MINDY3: variants seen among roughly 807,000 people sequenced by gnomAD.
MINDY3 encodes ubiquitin carboxyl-terminal hydrolase MINDY-3.
Under a neutral mutation model 69.2 loss-of-function variants are expected in MINDY3, and 38 were observed. The observed-to-expected ratio is 0.55, with a 90% confidence interval of 0.42 to 0.72. MINDY3 has a LOEUF of 0.72. Ranked by LOEUF, MINDY3 falls within the 30% of genes least tolerant of loss-of-function variation. The pLI is 0.00. For missense variants in MINDY3, 522 were observed against 519.0 expected (o/e 1.01, Z -0.06); for synonymous variants, 192 against 180.1 (o/e 1.07, Z -0.53).
chr10:15,824,818 T>C (rs893768156), intron 8 of MINDY3, among the ~76,000 whole-genome samples: 2 of 152,224 alleles, frequency 1.3e-5, no homozygotes, highest in African/African-American at 2.4e-5. Flanking sequence ...TTGTTCATAA[T>C]TCTTGGGTAA....
intron 8 of MINDY3, among the ~76,000 whole-genome samples, chr10:15,823,335 A>G (rs1483089969): frequency 6.6e-6 from 1 of 152,178 alleles, no homozygotes; most frequent in Non-Finnish European, 1.5e-5. Context: ...GATTTTCATA[A>G]TATGATGTTA....
chr10:15,829,139 G>A (rs907768093), intron 8 of MINDY3, among the ~76,000 whole-genome samples: 2 of 152,130 alleles, frequency 1.3e-5, no homozygotes, highest in African/African-American at 2.4e-5. Flanking sequence ...AGCCGACTGA[G>A]GTAAAGCACC....
At chr10:15,821,560 G>T in intron 9 of MINDY3, 96 bp downstream of exon 9, 1 of 872,738 alleles carries the variant, frequency 1.1e-6, no homozygotes, top group Non-Finnish European at 1.8e-6. Flanking sequence ...GAACCATAGT[G>T]CTGTGCTCAA....
chr10:15,779,622 T>C (rs1392163530), intron 14 of MINDY3, among the ~76,000 whole-genome samples: 1 of 152,212 alleles, frequency 6.6e-6, no homozygotes. Context: ...ATTGAATTTC[T>C]AGAGCTGAAA....
chr10:15,778,277 A>T lies in MINDY3; in HGVS notation c.*715T>A, dbSNP rs185528232. 6.6e-6 allele frequency: 1 copy of T among 152,324 alleles called. No individual in the cohort carries two copies. Among genetic ancestry groups the T allele is most frequent in the East Asian group, 1.9e-4 (1 of 5,190 alleles). The allele number at this position is 152,324 out of a possible 1,614,324, so 9.4% of individuals were successfully genotyped here. A position where few individuals can be genotyped will look rare whatever the true frequency, so the allele number is the denominator to read the frequency against. On this transcript the variant is annotated 3_prime_UTR_variant, in exon 15 of 15. Coordinates refer to ENST00000277632, the MANE Select transcript of MINDY3 (RefSeq NM_024948.4). ...TTCTCATGCATTTATCGTGTTTATA[A>T]ATATAGAAGAAAGCTGGCTTACAGG... is the stretch of plus-strand genomic sequence containing the variant.
At chr10:15,809,446 A>T (rs1236860931) in intron 10 of MINDY3, among the ~76,000 whole-genome samples, 2 of 152,130 alleles carry the variant, frequency 1.3e-5, no homozygotes, top group African/African-American at 4.8e-5. Context: ...TTTTCAAGTA[A>T]CCTCAATGAA....
chr10:15,830,715 G>A (rs1215493413), intron 8 of MINDY3, among the ~76,000 whole-genome samples: 1 of 152,174 alleles, frequency 6.6e-6, no homozygotes, highest in Non-Finnish European at 1.5e-5. Context: ...CCACCTTCAG[G>A]GAGAATGAGG....
At chr10:15,844,590 T>C (rs964260745) in intron 2 of MINDY3, among the ~76,000 whole-genome samples, 2 of 152,206 alleles carry the variant, frequency 1.3e-5, no homozygotes, top group African/African-American at 2.4e-5. Context: ...ATTAGGTTGC[T>C]TGCAATTTTT....
intron 8 of MINDY3, among the ~76,000 whole-genome samples, chr10:15,831,896 G>C (rs553419410): frequency 6.6e-6 from 1 of 151,932 alleles, no homozygotes; most frequent in East Asian, 1.9e-4. Context: ...GGCTGGTCTC[G>C]AACTCCTCAC....
At chr10:15,822,997 A>C (rs548568357) in intron 8 of MINDY3, among the ~76,000 whole-genome samples, 1 of 152,240 alleles carries the variant, frequency 6.6e-6, no homozygotes, top group African/African-American at 2.4e-5. Context: ...CATCCTTTTT[A>C]CCATCTGGTC....
At chr10:15,855,484 T>C (rs954303601) in intron 1 of MINDY3, among the ~76,000 whole-genome samples, 6 of 152,086 alleles carry the variant, frequency 3.9e-5, no homozygotes, top group Non-Finnish European at 8.8e-5. Flanking sequence ...CGTCTGAAAT[T>C]ACCCATCTTA....
intron 8 of MINDY3, among the ~76,000 whole-genome samples, chr10:15,829,532 CAT>C (rs1840314547): frequency 6.6e-6 from 1 of 152,128 alleles, no homozygotes; most frequent in African/African-American, 2.4e-5. Flanking sequence ...AGATTATAAA[CAT>C]AGGGTTGAGT....
At chr10:15,779,172 A>C in intron 14 of MINDY3, 31 bp from the exon 15 acceptor site, 1 of 1,601,306 alleles carries the variant, frequency 6.2e-7, no homozygotes, top group Non-Finnish European at 8.5e-7. Flanking sequence ...ACCAAGGTCA[A>C]GCAACAGTCT....
At chr10:15,843,190 T>G in intron 3 of MINDY3, 22 bp downstream of exon 3, 1 of 1,602,682 alleles carries the variant, frequency 6.2e-7, no homozygotes, top group South Asian at 1.1e-5. Context: ...GAAGCAAAAG[T>G]TTTAAAAGAC....
chr10:15,818,908 G>C (rs1388103979), intron 9 of MINDY3, among the ~76,000 whole-genome samples: 1 of 152,126 alleles, frequency 6.6e-6, no homozygotes, highest in Non-Finnish European at 1.5e-5. Context: ...TTAGATTGGG[G>C]TAATGGTTGC....
chr10:15,782,114 T>C (rs749912869), intron 14 of MINDY3, 41 bp downstream of exon 14: 2 of 1,390,174 alleles, frequency 1.4e-6, no homozygotes, highest in Non-Finnish European at 2.0e-6. Context: ...AATTATTTCA[T>C]CAACCCAGTT....
chr10:15,788,013 G>A (rs559430178), intron 12 of MINDY3, among the ~76,000 whole-genome samples: 7 of 152,014 alleles, frequency 4.6e-5, no homozygotes, highest in South Asian at 2.1e-4. Flanking sequence ...TTCAAGGTAC[G>A]TTTTCCATCT....
intron 10 of MINDY3, among the ~76,000 whole-genome samples, chr10:15,799,880 A>G (rs1343451057): frequency 6.6e-6 from 1 of 152,174 alleles, no homozygotes; most frequent in Non-Finnish European, 1.5e-5. Context: ...GCTAACTGCG[A>G]GCTTCTCGTG....
At chr10:15,790,875 G>A (rs1232251680) in intron 11 of MINDY3, among the ~76,000 whole-genome samples, 1 of 152,102 alleles carries the variant, frequency 6.6e-6, no homozygotes, top group Non-Finnish European at 1.5e-5. Flanking sequence ...CAGGAGCACT[G>A]ACAGCATGTA....
Sources: allele counts gnomAD v4.1 joint callset (sites outside exome capture counted in the v4.1 genomes callset), GRCh38; gene constraint gnomAD v4.1.1; transcripts MANE v1.5; gene names NCBI Gene and HGNC (gene_info 2026-07-23, HGNC 2026-07-21).